Variants in SLC35F4 observed in about 807,000 individuals in gnomAD.
SLC35F4 encodes solute carrier family 35 member F4, also known as chromosome 14 open reading frame 36.
A neutral mutation model predicts 44.2 loss-of-function variants in SLC35F4; 24 were observed. The ratio of observed to expected loss-of-function variants is 0.54; its 90% CI spans 0.39 to 0.76. The LOEUF (loss-of-function observed/expected upper bound fraction) is 0.76. Ranked by LOEUF, SLC35F4 falls within the 30% of genes least tolerant of loss-of-function variation. The pLI, the probability that SLC35F4 is intolerant of heterozygous loss-of-function variation, is 0.00. For synonymous variants in SLC35F4, 238 were observed against 223.6 expected, an observed-to-expected ratio of 1.06 and a Z score of -0.57; for missense variants, 562 against 586.1, an observed-to-expected ratio of 0.96 and a Z score of 0.42.
chr14:57,700,297 A>G (rs533453767), intron 1 of SLC35F4, among the ~76,000 whole-genome samples: 62 of 152,306 alleles, frequency 4.1e-4, no homozygotes, highest in African/African-American at 1.4e-3. Context: ...ATTAAAAAGT[A>G]CAGTATAAAA....
At chr14:57,684,275 C>A (rs2075001692) in intron 1 of SLC35F4, among the ~76,000 whole-genome samples, 1 of 152,122 alleles carries the variant, frequency 6.6e-6, no homozygotes, top group South Asian at 2.1e-4. Context: ...CAAATGAGCA[C>A]CAGTCTCTAT....
In SLC35F4 at chr14:57,581,206, G is replaced by A. The variant is rs748276863; in HGVS notation, c.807+8C>T. On this transcript the variant is annotated splice_region_variant and intron_variant, in intron 4 of 7. Coordinates refer to ENST00000556826, the MANE Select transcript of SLC35F4 (RefSeq NM_001306087.2). ...AGGCATCGCGCATTGAATCAAGTAT[G>A]CCATTACCCTCACTCCCATGAACCT... 2 of 1,525,012 alleles carry A rather than the reference G, an allele frequency of 1.3e-6. No individual in the cohort carries two copies. Among genetic ancestry groups the A allele is most frequent in the East Asian group, 2.3e-5 (1 of 43,284 alleles). 94.5% of individuals were successfully genotyped at this position (1,525,012 alleles called of 1,614,324 possible).
intron 1 of SLC35F4, among the ~76,000 whole-genome samples, chr14:57,917,226 A>G (rs971322001): frequency 2.0e-5 from 3 of 151,720 alleles, no homozygotes; most frequent in African/African-American, 4.8e-5. Context: ...ACTCCCCACT[A>G]ATTTTTGTAT....
At chr14:57,951,146 T>G (rs1485393928) in intron 1 of SLC35F4, among the ~76,000 whole-genome samples, 1 of 152,078 alleles carries the variant, frequency 6.6e-6, no homozygotes, top group Non-Finnish European at 1.5e-5. Flanking sequence ...GTATAGCCCA[T>G]GTAAGGCAAG....
intron 1 of SLC35F4, among the ~76,000 whole-genome samples, chr14:57,747,792 T>C (rs1300402489): frequency 1.3e-5 from 2 of 152,242 alleles, no homozygotes; most frequent in African/African-American, 4.8e-5. Context: ...CATAATTATA[T>C]ACAAGTTAAT....
chr14:57,770,596 CCT>C (rs1486571441), intron 1 of SLC35F4, among the ~76,000 whole-genome samples: 2 of 152,106 alleles, frequency 1.3e-5, no homozygotes, highest in African/African-American at 2.4e-5. Context: ...ACCTTCACAG[CCT>C]CTCTCTTCCT....
At chr14:57,632,676 T>C (rs1392201560) in intron 1 of SLC35F4, among the ~76,000 whole-genome samples, 1 of 152,080 alleles carries the variant, frequency 6.6e-6, no homozygotes, top group Non-Finnish European at 1.5e-5. Context: ...TAGTTTACAT[T>C]AGGGTTCACT....
chr14:57,569,531 G>A (rs191600247), intron 6 of SLC35F4, among the ~76,000 whole-genome samples: 24 of 152,328 alleles, frequency 1.6e-4, no homozygotes, highest in African/African-American at 4.6e-4. Flanking sequence ...AGAATGGATT[G>A]AAGGCCAGTG....
intron 1 of SLC35F4, among the ~76,000 whole-genome samples, chr14:57,778,468 G>A (rs1195944301): frequency 2.0e-5 from 3 of 151,896 alleles, no homozygotes; most frequent in East Asian, 1.9e-4. Context: ...CAGGAGCACC[G>A]AGATTCATAA....
chr14:57,813,353 G>A (rs1420076951), intron 1 of SLC35F4, among the ~76,000 whole-genome samples: 1 of 152,158 alleles, frequency 6.6e-6, no homozygotes, highest in Non-Finnish European at 1.5e-5. Context: ...ACTTTGGGAG[G>A]CCGAAGCCAG....
intron 1 of SLC35F4, among the ~76,000 whole-genome samples, chr14:57,846,676 C>A (rs1886050197): frequency 6.6e-6 from 1 of 152,154 alleles, no homozygotes; most frequent in Admixed American, 6.5e-5. Context: ...AAGAATTTTT[C>A]TTGAATTAAT....
chr14:57,807,802 A>T (rs997984485), intron 1 of SLC35F4, among the ~76,000 whole-genome samples: 2 of 151,806 alleles, frequency 1.3e-5, no homozygotes, highest in African/African-American at 2.4e-5. Flanking sequence ...GTCTGTCCTC[A>T]TGCCGCTAAT....
At chr14:57,669,867 C>A (rs2074454253) in intron 1 of SLC35F4, among the ~76,000 whole-genome samples, 1 of 152,118 alleles carries the variant, frequency 6.6e-6, no homozygotes, top group Non-Finnish European at 1.5e-5. Flanking sequence ...GGAGGATTCT[C>A]TCTTTTTCTA....
chr14:57,617,351 C>T (rs1266119150), intron 1 of SLC35F4, among the ~76,000 whole-genome samples: 3 of 151,708 alleles, frequency 2.0e-5, no homozygotes, highest in South Asian at 4.2e-4. Flanking sequence ...AGGATGGTCT[C>T]GATCTCCTGA....
At position 57,718,136 on chromosome 14, in the gene SLC35F4, T is replaced by C. The variant is rs936867893; in HGVS notation, c.104-124012A>G. ...TGAGAACATGCTATGTTTGTCTTTCTGTGCCTGGCTTCCATCCATGCTGTT... is the reference window on the plus strand; with the variant it reads ...TGAGAACATGCTATGTTTGTCTTTCCGTGCCTGGCTTCCATCCATGCTGTT... On this transcript the variant is annotated intron_variant, in intron 1 of 7. Transcript: ENST00000556826. 2.0e-5 allele frequency among the ~76,000 whole-genome samples: 3 copies of C among 152,380 alleles called. No homozygotes were observed. The South Asian group carries it at 6.2e-4, about 32-fold the overall frequency.
At chr14:57,645,633 G>A (rs1161566366) in intron 1 of SLC35F4, among the ~76,000 whole-genome samples, 1 of 151,146 alleles carries the variant, frequency 6.6e-6, no homozygotes, top group Admixed American at 6.6e-5. Flanking sequence ...CTGCCTGATT[G>A]CCCTGACCAG....
chr14:57,752,888 C>T (rs932823174), intron 1 of SLC35F4, among the ~76,000 whole-genome samples: 5 of 152,182 alleles, frequency 3.3e-5, no homozygotes, highest in African/African-American at 1.2e-4. Context: ...GTTGCTACAG[C>T]AGAAGCAGGA....
chr14:57,979,155 G>C (rs1881301169), intron 1 of SLC35F4, among the ~76,000 whole-genome samples: 1 of 152,214 alleles, frequency 6.6e-6, no homozygotes, highest in African/African-American at 2.4e-5. Flanking sequence ...AAGGCTGGCT[G>C]AGAGTGAGGA....
intron 1 of SLC35F4, among the ~76,000 whole-genome samples, chr14:57,778,522 T>G (rs1205706194): frequency 2.0e-5 from 3 of 150,978 alleles, no homozygotes; most frequent in African/African-American, 7.3e-5. Context: ...ACTCCCACAT[T>G]AAAACACTGG....
Sources: gnomAD v4.1 joint callset for allele counts (sites outside exome capture counted in the v4.1 genomes callset) on GRCh38, gnomAD v4.1.1 for gene constraint, MANE v1.5 for transcripts, NCBI Gene and HGNC (gene_info 2026-07-23, HGNC 2026-07-21) for gene names.